Variants in GRIA1 observed in about 807,000 individuals in gnomAD.
The protein encoded by GRIA1 is glutamate receptor 1.
In GRIA1, 31 loss-of-function variants were observed where a neutral mutation model predicts 99.2. The ratio of observed to expected loss-of-function variants is 0.31; its 90% CI spans 0.23 to 0.42. GRIA1 has a LOEUF of 0.42. Ranked by LOEUF, GRIA1 falls within the 10% of genes least tolerant of loss-of-function variation. The pLI is 1.00. For missense variants in GRIA1, 782 were observed against 1,157.5 expected (o/e 0.68, Z 4.71); for synonymous variants, 438 against 432.4 (o/e 1.01, Z -0.16).
chr5:153,632,607 TG>T (rs1184260043), intron 2 of GRIA1, among the ~76,000 whole-genome samples: 1 of 152,232 alleles, frequency 6.6e-6, no homozygotes, highest in Admixed American at 6.5e-5. Context: ...TCTAGGACTT[TG>T]GTAAGCTTAT....
chr5:153,735,840 A>C (rs143003458), intron 11 of GRIA1, among the ~76,000 whole-genome samples: 9 of 152,278 alleles, frequency 5.9e-5, no homozygotes, highest in Non-Finnish European at 1.3e-4. Flanking sequence ...AAGAATGGTG[A>C]TGTATTTTAC....
intron 5 of GRIA1, among the ~76,000 whole-genome samples, chr5:153,669,473 G>A (rs1480747870): frequency 6.6e-6 from 1 of 152,096 alleles, no homozygotes; most frequent in Admixed American, 6.6e-5. Context: ...TCTCTTAAAA[G>A]ACCATAACAA....
intron 9 of GRIA1, 82 bp downstream of exon 9, chr5:153,698,236 G>T: frequency 2.7e-6 from 2 of 733,788 alleles, no homozygotes; most frequent in South Asian, 1.9e-5. Flanking sequence ...CTGAAAGCTG[G>T]CCTTTCTTCT....
At chr5:153,560,747 TAC>T (rs1484236367) in intron 2 of GRIA1, among the ~76,000 whole-genome samples, 7 of 152,220 alleles carry the variant, frequency 4.6e-5, no homozygotes, top group Non-Finnish European at 1.5e-5. Context: ...ACTAGTCTAA[TAC>T]AGAGGCTTTG....
chr5:153,652,113 G>C (rs1754618347), intron 4 of GRIA1, among the ~76,000 whole-genome samples: 1 of 152,132 alleles, frequency 6.6e-6, no homozygotes, highest in Non-Finnish European at 1.5e-5. Flanking sequence ...GCCTATTTTT[G>C]CTATTCCTAG....
intron 13 of GRIA1, among the ~76,000 whole-genome samples, chr5:153,792,696 C>T (rs1561864570): frequency 6.6e-6 from 1 of 150,530 alleles, no homozygotes. Flanking sequence ...TTCCCTTCTT[C>T]CTTTCTTTCT....
intron 12 of GRIA1, among the ~76,000 whole-genome samples, chr5:153,765,207 T>TAGG (rs1763436998): frequency 6.6e-6 from 1 of 152,012 alleles, no homozygotes; most frequent in Admixed American, 6.5e-5. Context: ...GCAGAGAGCT[T>TAGG]AGGAGCACAG....
chr5:153,795,970 G>C (rs1327732794), intron 14 of GRIA1, among the ~76,000 whole-genome samples: 1 of 150,824 alleles, frequency 6.6e-6, no homozygotes, highest in East Asian at 1.9e-4. Flanking sequence ...CAAAATGATG[G>C]TCTGGGTCTT....
chr5:153,730,875 T>C (rs1013935150), intron 11 of GRIA1, among the ~76,000 whole-genome samples: 1 of 152,128 alleles, frequency 6.6e-6, no homozygotes, highest in African/African-American at 2.4e-5. Context: ...ATGCAACTGC[T>C]CTGATTAAGC....
At chr5:153,678,120 T>G (rs1196107735) in intron 7 of GRIA1, among the ~76,000 whole-genome samples, 1 of 152,004 alleles carries the variant, frequency 6.6e-6, no homozygotes, top group Non-Finnish European at 1.5e-5. Context: ...ACAAATGGAG[T>G]TGCCTGCCTA....
intron 2 of GRIA1, among the ~76,000 whole-genome samples, chr5:153,602,917 T>C (rs1765114056): frequency 6.6e-6 from 1 of 152,228 alleles, no homozygotes; most frequent in African/African-American, 2.4e-5. Flanking sequence ...GTCTTCAGGC[T>C]GGTAAACTGT....
Position 153,759,375 on chromosome 5 carries a change from A to T in GRIA1, c.1824-5059A>T, listed in dbSNP as rs140270997. On this transcript the variant is annotated intron_variant, in intron 11 of 15. Coordinates refer to ENST00000285900, the MANE Select transcript of GRIA1 (RefSeq NM_000827.4). The stretch of plus-strand genomic sequence containing the variant: ...AATAAAATTATAAATGAAAAAGGAG[A>T]CGTTAAAATTGATACCACAGAAATA... Among the ~76,000 whole-genome samples, 1,248 of 151,990 alleles carry T rather than the reference A, an allele frequency of 8.2e-3. 7 individuals carry two copies. The highest frequency in any genetic ancestry group is 0.014 in the Middle Eastern group (4 of 294).
intron 2 of GRIA1, among the ~76,000 whole-genome samples, chr5:153,641,840 G>A (rs1370650928): frequency 6.6e-6 from 1 of 152,168 alleles, no homozygotes; most frequent in South Asian, 2.1e-4. Flanking sequence ...CCTTAACATA[G>A]CATGTAGACT....
At chr5:153,560,539 T>C (rs777904407) in intron 2 of GRIA1, among the ~76,000 whole-genome samples, 4 of 152,192 alleles carry the variant, frequency 2.6e-5, no homozygotes, top group African/African-American at 4.8e-5. Context: ...TGAATAAGTC[T>C]CATGAGATCT....
intron 2 of GRIA1, among the ~76,000 whole-genome samples, chr5:153,517,537 A>T (rs1172176331): frequency 6.6e-6 from 1 of 152,202 alleles, no homozygotes; most frequent in African/African-American, 2.4e-5. Flanking sequence ...ATATGGGCAG[A>T]TGGGAAGCTA....
At chr5:153,716,506 T>C (rs536111489) in intron 11 of GRIA1, among the ~76,000 whole-genome samples, 2 of 152,274 alleles carry the variant, frequency 1.3e-5, no homozygotes, top group African/African-American at 4.8e-5. Flanking sequence ...TTATTATTCC[T>C]AAGAGTATCT....
At chr5:153,597,990 T>A (rs748402361) in intron 2 of GRIA1, among the ~76,000 whole-genome samples, 1 of 152,096 alleles carries the variant, frequency 6.6e-6, no homozygotes, top group African/African-American at 2.4e-5. Flanking sequence ...CCAGCCTGGG[T>A]GACAAGGTGA....
chr5:153,698,176 A>T, intron 9 of GRIA1, 22 bp downstream of exon 9: 1 of 1,306,066 alleles, frequency 7.7e-7, no homozygotes, highest in East Asian at 2.3e-5. Flanking sequence ...GTCCTTCATC[A>T]AGGTTACTTG....
chr5:153,521,117 G>A (rs1014332764), intron 2 of GRIA1, among the ~76,000 whole-genome samples: 3 of 152,278 alleles, frequency 2.0e-5, no homozygotes, highest in African/African-American at 4.8e-5. Context: ...TCAAAAGAGG[G>A]AACAAAAGGG....
Sources: allele counts gnomAD v4.1 joint callset (sites outside exome capture counted in the v4.1 genomes callset), GRCh38; gene constraint gnomAD v4.1.1; transcripts MANE v1.5; gene names NCBI Gene and HGNC (gene_info 2026-07-23, HGNC 2026-07-21).